TENM3: variants seen among roughly 807,000 people sequenced by gnomAD.
TENM3 encodes teneurin-3.
TENM3 carries 63 observed loss-of-function variants against 255.1 expected under a neutral mutation model. That is an observed-to-expected ratio of 0.25 (90% CI 0.20 to 0.30). The LOEUF (loss-of-function observed/expected upper bound fraction) is 0.30. Ranked by LOEUF, TENM3 falls within the 10% of genes least tolerant of loss-of-function variation. The probability of loss-of-function intolerance (pLI) is 1.00; values close to 1 mark genes in which losing one functional copy is unlikely to be tolerated. For synonymous variants in TENM3, 1,306 were observed against 1,322.3 expected (o/e 0.99, Z 0.27); for missense variants, 2,929 against 3,461.1 (o/e 0.85, Z 3.86).
intron 1 of TENM3, among the ~76,000 whole-genome samples, chr4:182,174,061 TA>T (rs76679409): frequency 2.0e-5 from 3 of 152,054 alleles, no homozygotes; most frequent in Middle Eastern, 3.2e-3. Flanking sequence ...AATTGATAAC[TA>T]AAAAATTGTT....
rs141968345 is a variant in TENM3, at chr4:182,228,358, ATGTGTGTGTGTGTGTGTGTG to A, written c.-76+83620_-76+83639del. 8.0e-4 allele frequency among the ~76,000 whole-genome samples: 87 copies of A among 109,028 alleles called. 1 individual carries two copies. Among genetic ancestry groups the A allele is most frequent in the African/African-American group, 1.1e-3 (31 of 27,692 alleles). 71.5% of individuals were successfully genotyped at this position (109,028 alleles called of 152,430 possible). On this transcript the variant is annotated intron_variant, in intron 1 of 2. Coordinates refer to the TENM3 transcript ENST00000512480. ...CCTTAAATATATATAATGTAATGTA[ATGTGTGTGTGTGTGTGTGTG>A]TGTGTGTGTGTGTGTATATGTAATC...
At chr4:181,697,891 T>TA in the TENM3 span, among the ~76,000 whole-genome samples, 2 of 151,790 alleles carry the variant, frequency 1.3e-5, no homozygotes, top group African/African-American at 2.4e-5. Context: ...TCCTAATATC[T>TA]AAAAAAAGCA....
chr4:181,924,522 T>A, the TENM3 span, among the ~76,000 whole-genome samples: 1 of 152,226 alleles, frequency 6.6e-6, no homozygotes, highest in Non-Finnish European at 1.5e-5. Flanking sequence ...AATACTGTAT[T>A]TGGAATATTA....
chr4:182,004,337 G>T, the TENM3 span, among the ~76,000 whole-genome samples: 1 of 152,028 alleles, frequency 6.6e-6, no homozygotes, highest in African/African-American at 2.4e-5. Flanking sequence ...CTGTTCCTAT[G>T]TTAGTTTGCT....
intron 6 of TENM3, among the ~76,000 whole-genome samples, chr4:182,662,800 G>A (rs1318821415): frequency 1.3e-5 from 2 of 152,174 alleles, no homozygotes; most frequent in Non-Finnish European, 2.9e-5. Flanking sequence ...CTGTGTCAAT[G>A]GCCCACTGAC....
At chr4:182,152,565 A>G (rs970818603) in intron 1 of TENM3, among the ~76,000 whole-genome samples, 2 of 151,892 alleles carry the variant, frequency 1.3e-5, no homozygotes, top group African/African-American at 4.8e-5. Flanking sequence ...CCTAGAATAT[A>G]CAATCTCTGA....
At chr4:181,953,393 A>G in the TENM3 span, among the ~76,000 whole-genome samples, 1 of 152,154 alleles carries the variant, frequency 6.6e-6, no homozygotes, top group Non-Finnish European at 1.5e-5. Flanking sequence ...ATATGCATGA[A>G]TAAGCATGCA....
intron 5 of TENM3, among the ~76,000 whole-genome samples, chr4:182,640,235 A>G (rs1056172572): frequency 1.3e-5 from 2 of 152,246 alleles, no homozygotes; most frequent in African/African-American, 2.4e-5. Flanking sequence ...ATATAAATGT[A>G]AAATACTGAC....
chr4:181,590,568 A>G, the TENM3 span, among the ~76,000 whole-genome samples: 1 of 152,220 alleles, frequency 6.6e-6, no homozygotes, highest in African/African-American at 2.4e-5. Flanking sequence ...GTAAAATGCA[A>G]TTTAATAAAT....
chr4:181,869,823 C>A, the TENM3 span, among the ~76,000 whole-genome samples: 1 of 152,054 alleles, frequency 6.6e-6, no homozygotes, highest in South Asian at 2.1e-4. Flanking sequence ...GAATGCTCAA[C>A]AAACAATAAA....
the TENM3 span, among the ~76,000 whole-genome samples, chr4:181,540,715 G>A: frequency 2.0e-5 from 3 of 152,008 alleles, no homozygotes; most frequent in Admixed American, 6.6e-5. Flanking sequence ...TCTGACCAGC[G>A]CTCCTCAAAC....
Position 182,673,181 on chromosome 4 carries a change from G to C in TENM3, c.1288G>C (p.Val430Leu). 6.2e-7 allele frequency: 1 copy of C among 1,613,724 alleles called. No individual in the cohort carries two copies. Among genetic ancestry groups the C allele is most frequent in the Non-Finnish European group, 8.5e-7 (1 of 1,179,708 alleles). The change falls in exon 7 of 28, where the codon GTA becomes CTA. Residue 430 changes from valine (V) to leucine (L), a missense_variant. Val to Leu is a conservative substitution (Grantham distance 32). Transcript: ENST00000511685. ...TCTTCAGAAGGATGCATTGATTGGAGTATATGGCCGGAAAGGCTTACCGCC... is the reference window on the plus strand; with the variant it reads ...TCTTCAGAAGGATGCATTGATTGGACTATATGGCCGGAAAGGCTTACCGCC... ...ISLQKDALIG[V>L]YGRKGLPPSH...
rs17263582 is a variant in TENM3, at chr4:182,753,544, C to T, written c.3957C>T (p.Gly1319=). 0.21 allele frequency: 336,931 copies of T among 1,612,446 alleles called. 36,452 individuals are homozygous for T. Among genetic ancestry groups the T allele is most frequent in the Middle Eastern group, 0.25 (1,524 of 6,060 alleles). Residue 1319 remains glycine (G), a synonymous_variant, in exon 21 of 28, where the codon GGC becomes GGT. Transcript: ENST00000511685. ...DQNGIISTLL[G]SNDLTSARPL... Reference sequence around the variant, plus strand: ...ATGGAATCATATCAACTCTTCTGGGCTCTAACGATTTGACTTCAGCCAGAC... The same window carrying T: ...ATGGAATCATATCAACTCTTCTGGGTTCTAACGATTTGACTTCAGCCAGAC...
At chr4:182,713,948 G>A in intron 12 of TENM3, 139 bp from the exon 13 acceptor site, 1 of 651,310 alleles carries the variant, frequency 1.5e-6, no homozygotes, top group Non-Finnish European at 2.6e-6. Context: ...AGATAACGTT[G>A]CTGTTTCTAT....
intron 3 of TENM3, among the ~76,000 whole-genome samples, chr4:182,543,522 C>G (rs1019448291): frequency 2.0e-5 from 3 of 152,158 alleles, no homozygotes; most frequent in East Asian, 1.9e-4. Flanking sequence ...GACCAGCATT[C>G]TGCTTTTAAT....
chr4:181,605,208 G>A, the TENM3 span, among the ~76,000 whole-genome samples: 6 of 151,804 alleles, frequency 4.0e-5, no homozygotes, highest in African/African-American at 1.2e-4. Flanking sequence ...CACTTCGCGA[G>A]GCCGAAGTGG....
the TENM3 span, chr4:181,874,428 C>T: frequency 3.9e-5 from 6 of 152,212 alleles, no homozygotes; most frequent in African/African-American, 1.4e-4. Context: ...GGTGCATACG[C>T]ACATACCTGT....
chr4:182,060,537 C>T, the TENM3 span, among the ~76,000 whole-genome samples: 317 of 152,306 alleles, frequency 2.1e-3, 1 homozygote, highest in African/African-American at 7.3e-3. Flanking sequence ...TGGCCCAACA[C>T]TCACCTCCTG....
intron 3 of TENM3, among the ~76,000 whole-genome samples, chr4:182,593,264 A>G (rs972325458): frequency 9.9e-5 from 15 of 152,202 alleles, no homozygotes; most frequent in African/African-American, 3.6e-4. Context: ...ATGCTGATGA[A>G]TGAATACCCA....
Sources: allele counts gnomAD v4.1 joint callset (sites outside exome capture counted in the v4.1 genomes callset), GRCh38; gene constraint gnomAD v4.1.1; transcripts MANE v1.5; gene names NCBI Gene and HGNC (gene_info 2026-07-23, HGNC 2026-07-21).